The following MACROD2 variants were observed in gnomAD, a reference collection of about 807,000 sequenced individuals.
The protein encoded by MACROD2 is mono-ADP ribosylhydrolase 2, also known as ADP-ribose glycohydrolase MACROD2.
In MACROD2, 36 loss-of-function variants were observed where a neutral mutation model predicts 70.4. The observed-to-expected ratio is 0.51, with a 90% CI of 0.39 to 0.68. MACROD2 has a LOEUF of 0.68. Among genes scored for constraint, MACROD2 ranks in the 30% least tolerant of loss-of-function variants. The pLI is 0.00. For synonymous variants in MACROD2, 172 were observed against 178.8 expected, an observed-to-expected ratio of 0.96 and a Z score of 0.30; for missense variants, 496 against 538.4, an observed-to-expected ratio of 0.92 and a Z score of 0.78.
At chr20:14,517,875 A>G (rs541838154) in intron 4 of MACROD2, among the ~76,000 whole-genome samples, 1 of 151,364 alleles carries the variant, frequency 6.6e-6, no homozygotes, top group South Asian at 2.1e-4. Context: ...TTTAACCAAT[A>G]TTTTGTCTAT....
At chr20:15,993,725 A>G (rs1286361166) in intron 15 of MACROD2, among the ~76,000 whole-genome samples, 2 of 152,224 alleles carry the variant, frequency 1.3e-5, no homozygotes, top group Non-Finnish European at 2.9e-5. Flanking sequence ...ACAATTCAGG[A>G]GCACTGAAAA....
Position 14,839,032 on chromosome 20 carries a change from C to T in MACROD2, c.418+154073C>T, listed in dbSNP as rs573763747. 5.3e-5 allele frequency among the ~76,000 whole-genome samples: 8 copies of T among 152,186 alleles called. No homozygotes were observed. In the South Asian group the frequency reaches 1.7e-3, roughly 32 times the overall value. On this transcript the variant is annotated intron_variant, in intron 5 of 17. Coordinates refer to ENST00000684519, the MANE Select transcript of MACROD2 (RefSeq NM_001351661.2). ...ATCTCGAAACAGAAGAACCCATCTC[C>T]TGGCCTAATGACCTTGGGAACGTTT...
chr20:15,446,392 C>T, intron 7 of MACROD2, among the ~76,000 whole-genome samples: 1 of 152,278 alleles, frequency 6.6e-6, no homozygotes, highest in Admixed American at 6.5e-5. Flanking sequence ...GATTTTTGTT[C>T]TTGTTGAAAT....
intron 6 of MACROD2, among the ~76,000 whole-genome samples, chr20:15,418,135 G>A (rs1600383548): frequency 1.3e-5 from 2 of 152,294 alleles, no homozygotes; most frequent in African/African-American, 4.8e-5. Context: ...CCAGTCTGGG[G>A]ATAAGAATAA....
At chr20:14,968,433 G>A (rs1470519122) in intron 5 of MACROD2, among the ~76,000 whole-genome samples, 6 of 152,096 alleles carry the variant, frequency 3.9e-5, no homozygotes, top group African/African-American at 9.7e-5. Flanking sequence ...TGGGGAGACT[G>A]TAAAAGCATA....
At chr20:15,713,259 T>C (rs2050654913) in intron 8 of MACROD2, among the ~76,000 whole-genome samples, 1 of 152,194 alleles carries the variant, frequency 6.6e-6, no homozygotes, top group African/African-American at 2.4e-5. Flanking sequence ...AGACCATTGC[T>C]ATACAAGATG....
At chr20:15,492,267 G>A (rs1052706390) in intron 7 of MACROD2, among the ~76,000 whole-genome samples, 6 of 151,992 alleles carry the variant, frequency 3.9e-5, no homozygotes, top group South Asian at 4.1e-4. Flanking sequence ...GGGTTGGAAG[G>A]AGGCCTAGGG....
At chr20:15,357,340 A>T (rs2078299286) in intron 6 of MACROD2, among the ~76,000 whole-genome samples, 1 of 152,150 alleles carries the variant, frequency 6.6e-6, no homozygotes, top group African/African-American at 2.4e-5. Context: ...TTTGTCTTAA[A>T]ATTCAATTTT....
chr20:15,127,418 T>C (rs2076074772), intron 5 of MACROD2, among the ~76,000 whole-genome samples: 1 of 152,104 alleles, frequency 6.6e-6, no homozygotes, highest in African/African-American at 2.4e-5. Flanking sequence ...CTGAAAATAA[T>C]AAATATTTAT....
chr20:15,900,047 T>C (rs2065041515), intron 10 of MACROD2, among the ~76,000 whole-genome samples: 1 of 152,196 alleles, frequency 6.6e-6, no homozygotes, highest in African/African-American at 2.4e-5. Flanking sequence ...TCGTGTGACA[T>C]GCTGTTTTGT....
intron 3 of MACROD2, among the ~76,000 whole-genome samples, chr20:14,165,320 G>A (rs2055251888): frequency 6.6e-6 from 1 of 152,140 alleles, no homozygotes; most frequent in African/African-American, 2.4e-5. Context: ...AACGTGGACT[G>A]CTGGGGGATC....
chr20:15,703,889 A>G (rs2146901796), intron 8 of MACROD2, among the ~76,000 whole-genome samples: 1 of 152,180 alleles, frequency 6.6e-6, no homozygotes, highest in African/African-American at 2.4e-5. Context: ...ACGATGTCTT[A>G]TTTTGTAAAT....
In MACROD2 at chr20:14,989,100, A is replaced by T. The variant is rs188704819; in HGVS notation, c.419-240840A>T. Among the ~76,000 whole-genome samples, 149 of 152,208 alleles carry T rather than the reference A, an allele frequency of 9.8e-4. 1 individual carries two copies. The highest frequency in any genetic ancestry group is 3.1e-3 in the African/African-American group (128 of 41,548). Reference sequence around the variant, plus strand: ...GTGTTTGAATTATATGGTTTTTTTTAAAAAGTATGTTACCATATAGCGACA... The same window carrying T: ...GTGTTTGAATTATATGGTTTTTTTTTAAAAGTATGTTACCATATAGCGACA... On this transcript the variant is annotated intron_variant, in intron 5 of 17. Coordinates refer to ENST00000684519, the MANE Select transcript of MACROD2 (RefSeq NM_001351661.2).
At chr20:15,883,047 A>C (rs1329427729) in intron 9 of MACROD2, among the ~76,000 whole-genome samples, 2 of 151,900 alleles carry the variant, frequency 1.3e-5, no homozygotes, top group Non-Finnish European at 2.9e-5. Flanking sequence ...AAAAACAAAC[A>C]AACAAAACAA....
chr20:15,592,287 G>A (rs1223676734), intron 8 of MACROD2, among the ~76,000 whole-genome samples: 1 of 152,180 alleles, frequency 6.6e-6, no homozygotes, highest in African/African-American at 2.4e-5. Context: ...CACTTCTATT[G>A]TTAAGACAGA....
chr20:15,611,613 G>GC (rs2048971334), intron 8 of MACROD2, among the ~76,000 whole-genome samples: 1 of 151,836 alleles, frequency 6.6e-6, no homozygotes, highest in Non-Finnish European at 1.5e-5. Flanking sequence ...ATGCCAGCTA[G>GC]CATCCCTCTG....
intron 8 of MACROD2, among the ~76,000 whole-genome samples, chr20:15,825,530 G>A (rs6135561): frequency 0.034 from 5,165 of 150,956 alleles, 232 homozygotes; most frequent in East Asian, 0.23. Flanking sequence ...ACAGAGCCTC[G>A]CTCTGTTGCC....
intron 3 of MACROD2, among the ~76,000 whole-genome samples, chr20:14,162,454 G>A (rs1459668270): frequency 6.6e-6 from 1 of 152,132 alleles, no homozygotes; most frequent in Non-Finnish European, 1.5e-5. Flanking sequence ...AATTCTGAGA[G>A]TGGGATGTTG....
intron 4 of MACROD2, among the ~76,000 whole-genome samples, chr20:14,528,677 C>T (rs970274271): frequency 6.6e-6 from 1 of 151,832 alleles, no homozygotes; most frequent in Non-Finnish European, 1.5e-5. Context: ...TTGGGGGGGC[C>T]CAACATTTCT....
Sources: allele counts gnomAD v4.1 joint callset (sites outside exome capture counted in the v4.1 genomes callset), GRCh38; gene constraint gnomAD v4.1.1; transcripts MANE v1.5; gene names NCBI Gene and HGNC (gene_info 2026-07-23, HGNC 2026-07-21).